Variants in RNF157 observed in about 807,000 individuals in gnomAD.
RNF157 encodes the protein E3 ubiquitin ligase RNF157.
RNF157 carries 55 observed loss-of-function variants against 88.3 expected under a neutral mutation model. The ratio of observed to expected loss-of-function variants is 0.62; its 90% CI spans 0.50 to 0.78. The LOEUF (loss-of-function observed/expected upper bound fraction) is 0.78. Among genes scored for constraint, RNF157 ranks in the 30% least tolerant of loss-of-function variants. RNF157 has a pLI of 0.00. For synonymous variants in RNF157, 334 were observed against 341.2 expected, an observed-to-expected ratio of 0.98 and a Z score of 0.23; for missense variants, 788 against 860.8, an observed-to-expected ratio of 0.92 and a Z score of 1.06.
chr17:76,239,545 C>G (rs868309635), intron 1 of RNF157, among the ~76,000 whole-genome samples: 18 of 149,222 alleles, frequency 1.2e-4, no homozygotes, highest in Admixed American at 4.0e-4. Context: ...CACCACCCCC[C>G]CCACCCCCCG....
At chr17:76,211,808 T>C (rs1201217605) in intron 2 of RNF157, 2 of 152,292 alleles carry the variant, frequency 1.3e-5, no homozygotes, top group Non-Finnish European at 2.9e-5. Context: ...AGGTGCGCAA[T>C]AGAAATTTAT....
Position 76,161,651 on chromosome 17 carries a change from T to TGAAG in RNF157, c.953-8_953-5dup, listed in dbSNP as rs2068846748. 1 of 1,612,402 alleles carries TGAAG rather than the reference T, an allele frequency of 6.2e-7. No homozygotes were observed. The highest frequency in any genetic ancestry group is 1.3e-5 in the African/African-American group (1 of 74,794). Reference sequence around the variant, plus strand: ...ATCTGAAGCAGTGCCCGGAAGGCTGTGAAGGAGAAAACAGGCAATCAGGAC... The same window carrying TGAAG: ...ATCTGAAGCAGTGCCCGGAAGGCTGTGAAGGAAGGAGAAAACAGGCAATCAGGAC... On this transcript the variant is annotated splice_polypyrimidine_tract_variant and splice_region_variant and intron_variant, in intron 10 of 18. Transcript: ENST00000269391. This position sits in a 1 kb window ranked among gnomAD's most constrained non-coding sequence, Gnocchi z 4.6.
chr17:76,162,012 G>A lies in RNF157; in HGVS notation c.793-10C>T, dbSNP rs373905626. ...CTTCGTCTTCAGCCACCTGGCCAAG[G>A]AGAAAGAAATGTAGCCAATGGCACA... On this transcript the variant is annotated splice_polypyrimidine_tract_variant and intron_variant, in intron 9 of 18. Transcript: ENST00000269391. 260 of 1,611,542 alleles carry A rather than the reference G, an allele frequency of 1.6e-4. No homozygotes were observed. The highest frequency in any genetic ancestry group is 1.9e-4 in the Non-Finnish European group (222 of 1,178,270).
chr17:76,189,425 T>C (rs1341626524), intron 2 of RNF157, among the ~76,000 whole-genome samples: 1 of 152,234 alleles, frequency 6.6e-6, no homozygotes, highest in Non-Finnish European at 1.5e-5. Context: ...CCTGTGCTGC[T>C]GGTTACGGTG....
chr17:76,173,564 T>G, intron 3 of RNF157, 138 bp downstream of exon 3: 1 of 643,548 alleles, frequency 1.6e-6, no homozygotes, highest in Non-Finnish European at 2.8e-6. Flanking sequence ...GCGCCCGCAC[T>G]CCTGTCTGAG....
At chr17:76,182,785 A>ATATATATATATATG (rs2069214077) in intron 2 of RNF157, among the ~76,000 whole-genome samples, 1 of 139,466 alleles carries the variant, frequency 7.2e-6, no homozygotes, top group Non-Finnish European at 1.5e-5. Context: ...ATATATATAT[A>ATATATATATATATG]TATGAGAGAT....
At chr17:76,193,492 C>G (rs566620921) in intron 2 of RNF157, among the ~76,000 whole-genome samples, 1 of 152,110 alleles carries the variant, frequency 6.6e-6, no homozygotes. Context: ...TATTGTAGAT[C>G]TGCCCTATAT....
intron 1 of RNF157, among the ~76,000 whole-genome samples, chr17:76,231,959 C>T (rs2070199744): frequency 6.6e-6 from 1 of 152,176 alleles, no homozygotes; most frequent in Non-Finnish European, 1.5e-5. Context: ...TATAAATGTG[C>T]TTCTTCTAGC....
chr17:76,225,585 C>G (rs2070067366), intron 1 of RNF157, among the ~76,000 whole-genome samples: 1 of 150,258 alleles, frequency 6.7e-6, no homozygotes, highest in Admixed American at 6.7e-5. Context: ...AAGTTGCTTT[C>G]ACCTAATATA....
intron 7 of RNF157, 115 bp from the exon 8 acceptor site, chr17:76,164,910 C>A: frequency 1.5e-6 from 1 of 662,682 alleles, no homozygotes; most frequent in Non-Finnish European, 2.6e-6. Context: ...TTTCATTTTC[C>A]ATGGTTTCAA....
At position 76,146,944 on chromosome 17, in the gene RNF157, C is replaced by T; in HGVS notation, c.1922-1591G>A. The T allele has an allele frequency of 1.0e-6, 1 of 985,430 alleles. No homozygotes were observed. The highest frequency in any genetic ancestry group is 1.2e-6 in the Non-Finnish European group (1 of 829,938). The allele number at this position is 985,430 out of a possible 1,614,324, so 61.0% of individuals were successfully genotyped here. On this transcript the variant is annotated intron_variant, in intron 18 of 18. Coordinates refer to ENST00000269391, the MANE Select transcript of RNF157 (RefSeq NM_052916.3). This position sits in a 1 kb window ranked among gnomAD's most constrained non-coding sequence, Gnocchi z 4.2. Reference sequence around the variant, plus strand: ...ATGTAGAGTCAACAGGTATAAATGGCTTATTTCCATCAATGCCTTGGTGTG... The same window carrying T: ...ATGTAGAGTCAACAGGTATAAATGGTTTATTTCCATCAATGCCTTGGTGTG...
intron 2 of RNF157, among the ~76,000 whole-genome samples, chr17:76,200,279 C>A (rs1441309872): frequency 1.3e-5 from 2 of 151,880 alleles, no homozygotes; most frequent in Admixed American, 6.6e-5. Context: ...CAAAAAAAAC[C>A]GAGGCATTTC....
chr17:76,215,459 T>TGAGC (rs1245963121), intron 1 of RNF157, among the ~76,000 whole-genome samples: 1 of 135,410 alleles, frequency 7.4e-6, no homozygotes, highest in East Asian at 2.1e-4. Flanking sequence ...GGTGACAGAG[T>TGAGC]GAGACCCTCT....
chr17:76,165,587 C>G, intron 6 of RNF157, 42 bp from the exon 7 acceptor site: 1 of 1,609,610 alleles, frequency 6.2e-7, no homozygotes, highest in Non-Finnish European at 8.5e-7. Flanking sequence ...GCCCAAACAG[C>G]ACATCTTGAT....
At chr17:76,178,587 G>A (rs1434512745) in intron 2 of RNF157, among the ~76,000 whole-genome samples, 1 of 152,230 alleles carries the variant, frequency 6.6e-6, no homozygotes, top group South Asian at 2.1e-4. Context: ...CCTGTGCAAG[G>A]CACCACTGGC....
At chr17:76,231,041 C>T (rs115181297) in intron 1 of RNF157, among the ~76,000 whole-genome samples, 2,479 of 151,440 alleles carry the variant, frequency 0.016, 68 homozygotes, top group African/African-American at 0.057. Flanking sequence ...TGGGCTGAGG[C>T]GATCCTCTTG....
rs1335206548 is a variant in RNF157 at position 76,142,982 on chromosome 17, T to G, written c.*2253A>C. 1 of 152,254 alleles carries G rather than the reference T, an allele frequency of 6.6e-6. No individual in the cohort carries two copies. Among genetic ancestry groups the G allele is most frequent in the Non-Finnish European group, 1.5e-5 (1 of 68,090 alleles). The allele number at this position is 152,254 out of a possible 1,614,324, so 9.4% of individuals were successfully genotyped here. On this transcript the variant is annotated 3_prime_UTR_variant, in exon 19 of 19. Transcript: ENST00000269391. ...TGAACTGTTGACGTGACTATGTGAC[T>G]GTCTCCAGATGAAGGACTGGGGCAA... is the stretch of plus-strand genomic sequence containing the variant.
chr17:76,164,707 A>T (rs1395061325), intron 8 of RNF157, 41 bp downstream of exon 8: 1 of 1,252,370 alleles, frequency 8.0e-7, no homozygotes, highest in African/African-American at 1.5e-5. Context: ...AAAGGAAGGA[A>T]GGACCCTAAT....
chr17:76,221,951 A>G (rs542299614), intron 1 of RNF157, among the ~76,000 whole-genome samples: 1 of 152,368 alleles, frequency 6.6e-6, no homozygotes, highest in East Asian at 1.9e-4. Context: ...TTCCATGTAT[A>G]TGAAATATCC....
Sources: gnomAD v4.1 joint callset for allele counts (sites outside exome capture counted in the v4.1 genomes callset) on GRCh38, gnomAD v4.1.1 for gene constraint, Gnocchi (gnomAD v3.1) non-coding constraint, MANE v1.5 for transcripts, NCBI Gene and HGNC (gene_info 2026-07-23, HGNC 2026-07-21) for gene names.